Variants in NEB observed in about 807,000 individuals in gnomAD.
NEB encodes the protein nebulin.
NEB carries 512 observed loss-of-function variants against 952.2 expected under a neutral mutation model. That is an observed-to-expected ratio of 0.54 (90% CI 0.50 to 0.58). NEB has a LOEUF of 0.58. Ranked by LOEUF, NEB falls within the 20% of genes least tolerant of loss-of-function variation. The pLI is 0.00. For synonymous variants in NEB, 2,900 were observed against 3,149.8 expected (o/e 0.92, Z 2.66); for missense variants, 8,428 against 9,231.1 (o/e 0.91, Z 3.56).
intron 95 of NEB, among the ~76,000 whole-genome samples, chr2:151,591,827 C>T (rs2097284123): frequency 6.6e-6 from 1 of 152,308 alleles, no homozygotes; most frequent in Admixed American, 6.5e-5. Context: ...TTTGGAGAAA[C>T]CATTCCATTT....
rs1472268201 is a variant in NEB at position 151,682,708 on chromosome 2, G to A, written c.2897C>T (p.Ser966Phe). The change falls in exon 29 of 182, where the codon TCC becomes TTC. Residue 966 changes from serine to phenylalanine, a missense_variant. Ser to Phe is a radical substitution (Grantham distance 155, BLOSUM62 -2). This residue lies in a region of NEB where 2,851 missense variants were observed against 2,791.5 expected (regional missense o/e 1.02). Coordinates refer to ENST00000397345, the MANE Select transcript of NEB (RefSeq NM_001164508.2). Reference protein sequence around the residue: ...MKGCGWVPFGSLEMEKAKRAS... With the variant: ...MKGCGWVPFGFLEMEKAKRAS... ...TCGCTTTGCCTTTTCCATTTCTAAG[G>A]ACCCAAAAGGCACCCAGCCACAACC... 4.3e-6 allele frequency: 7 copies of A among 1,613,022 alleles called. No homozygotes were observed. Among genetic ancestry groups the A allele is most frequent in the Non-Finnish European group, 5.9e-6 (7 of 1,179,526 alleles).
intron 29 of NEB, among the ~76,000 whole-genome samples, chr2:151,681,977 G>A (rs1271091602): frequency 1.3e-5 from 2 of 151,984 alleles, no homozygotes; most frequent in East Asian, 1.9e-4. Flanking sequence ...TATTATGCTG[G>A]GGCAAAAGTA....
At chr2:151,504,906 C>T (rs756101733) in intron 165 of NEB, among the ~76,000 whole-genome samples, 10 of 151,966 alleles carry the variant, frequency 6.6e-5, no homozygotes, top group Non-Finnish European at 8.8e-5. Context: ...GTAGGTAGAT[C>T]GCAGCCTGTA....
intron 107 of NEB, among the ~76,000 whole-genome samples, chr2:151,572,515 A>C (rs1425890394): frequency 5.5e-5 from 8 of 145,868 alleles, no homozygotes; most frequent in Non-Finnish European, 1.2e-4. Flanking sequence ...ATTTATATAT[A>C]TATATAAAAT....
In NEB at chr2:151,617,276, T is replaced by C. The variant is rs1193396572; in HGVS notation, c.11181+88A>G. 9.5e-6 allele frequency: 8 copies of C among 843,772 alleles called. No homozygotes were observed. In the African/African-American group the frequency reaches 1.0e-4, roughly 11 times the overall value. The allele number at this position is 843,772 out of a possible 1,614,324, so 52.3% of individuals were successfully genotyped here. A position where few individuals can be genotyped will look rare whatever the true frequency, so the allele number is the denominator to read the frequency against. On this transcript the variant is annotated intron_variant, in intron 75 of 181. Coordinates refer to ENST00000397345, the MANE Select transcript of NEB (RefSeq NM_001164508.2). Reference sequence around the variant, plus strand: ...AAATGGTAGTTTGTAGTATGTGTAGTAAATTAGTCAAAACCTTTTCCTAAG... The same window carrying C: ...AAATGGTAGTTTGTAGTATGTGTAGCAAATTAGTCAAAACCTTTTCCTAAG...
Position 151,563,918 on chromosome 2 carries a change from C to T in NEB, c.18484G>A (p.Gly6162Arg). ...GKLYSTILYK[G>R]AWEGTKAYGY... ...TAGGCCTTGGTGCCCTCCCACGCCC[C>T]TTTATACAGTATCTAGAACAAAGAA... Residue 6162 changes from glycine to arginine, a missense_variant, in exon 118 of 182, where the codon GGG becomes AGG. Around this residue, in one of 11 missense-constraint regions of NEB, gnomAD observed 3,374 missense variants for 3,651.5 expected, o/e 0.92. Coordinates refer to ENST00000397345, the MANE Select transcript of NEB (RefSeq NM_001164508.2). The T allele has an allele frequency of 6.2e-7, 1 of 1,607,132 alleles. No individual in the cohort carries two copies. Among genetic ancestry groups the T allele is most frequent in the Non-Finnish European group, 8.5e-7 (1 of 1,176,510 alleles).
rs2153021543 is a variant in NEB at position 151,499,341 on chromosome 2, G to C, written c.24071C>G (p.Pro8024Arg). 6.5e-7 allele frequency: 1 copy of C among 1,545,432 alleles called. No homozygotes were observed. Among genetic ancestry groups the C allele is most frequent in the South Asian group, 1.2e-5 (1 of 83,660 alleles). ...VGKGIPIPITPEMERVKHNQE... is the reference protein window; with the variant it reads ...VGKGIPIPITREMERVKHNQE... ...ATTGTGTTTGACTCTCTCCATCTCT[G>C]GAGTGATGGGGATTGGAATCCCTTT... The change falls in exon 169 of 182, where the codon CCA becomes CGA. Residue 8024 changes from proline to arginine, a missense_variant. By Grantham distance (103) the Pro-to-Arg change is moderately radical. This residue lies in a region of NEB where 3,374 missense variants were observed against 3,651.5 expected (regional missense o/e 0.92). Transcript: ENST00000397345.
intron 67 of NEB, among the ~76,000 whole-genome samples, 173 bp from the exon 68 acceptor site, chr2:151,629,819 G>C (rs147371427): frequency 1.1e-4 from 16 of 151,900 alleles, no homozygotes; most frequent in Admixed American, 6.6e-5. Flanking sequence ...ACTATATAGC[G>C]TTAGAAATAA....
At chr2:151,673,713 T>C (rs1379204437) in intron 36 of NEB, among the ~76,000 whole-genome samples, 2 of 149,302 alleles carry the variant, frequency 1.3e-5, no homozygotes, top group South Asian at 4.2e-4. Flanking sequence ...ATGCATGCTT[T>C]CTAAAAATTT....
chr2:151,637,423 A>G (rs1303738927), intron 63 of NEB, among the ~76,000 whole-genome samples: 1 of 152,224 alleles, frequency 6.6e-6, no homozygotes, highest in African/African-American at 2.4e-5. Context: ...AGAATAGCCC[A>G]GAGTTGGACT....
chr2:151,628,928 A>T (rs1450747166), intron 68 of NEB, among the ~76,000 whole-genome samples: 1 of 145,940 alleles, frequency 6.9e-6, no homozygotes, highest in Non-Finnish European at 1.5e-5. Flanking sequence ...GAAGAAGAAG[A>T]AGTCTGAATT....
chr2:151,562,815 T>A lies in NEB; in HGVS notation c.18694-7A>T, dbSNP rs373371474. On this transcript the variant is annotated splice_polypyrimidine_tract_variant and splice_region_variant and intron_variant, in intron 119 of 181. Transcript: ENST00000397345. ...AATGTTTTCTGTAGTTCAACTAATA[T>A]GTTTTAAAGACAAAAATAAGAAAGG... The A allele has an allele frequency of 3.1e-5, 48 of 1,541,456 alleles. 1 individual carries two copies. Among genetic ancestry groups the A allele is most frequent in the Admixed American group, 2.9e-4 (15 of 51,396 alleles).
At chr2:151,651,147 C>T (rs1030663722) in intron 52 of NEB, among the ~76,000 whole-genome samples, 3 of 152,092 alleles carry the variant, frequency 2.0e-5, no homozygotes, top group African/African-American at 7.2e-5. Flanking sequence ...GTTGTCTATG[C>T]TAACTTAGTA....
At position 151,672,340 on chromosome 2, in the gene NEB, T is replaced by A. The variant is rs2099311582; in HGVS notation, c.4299+29A>T. 1.9e-6 allele frequency: 3 copies of A among 1,540,370 alleles called. No homozygotes were observed. The East Asian group carries it at 6.8e-5, about 35-fold the overall frequency. ...AGTGATCATCCTTTAAGTGCAAACA[T>A]CTCTGGGTCTGTTGTTACACATACT... On this transcript the variant is annotated intron_variant, in intron 37 of 181. Coordinates refer to ENST00000397345, the MANE Select transcript of NEB (RefSeq NM_001164508.2).
chr2:151,640,016 C>G lies in NEB; in HGVS notation c.8730G>C (p.Trp2910Cys), dbSNP rs1448224160. The G allele has an allele frequency of 6.2e-7, 1 of 1,613,922 alleles. No homozygotes were observed. Among genetic ancestry groups the G allele is most frequent in the South Asian group, 1.1e-5 (1 of 91,080 alleles). Residue 2910 changes from tryptophan to cysteine, a missense_variant, in exon 62 of 182, where the codon TGG becomes TGC. By Grantham distance (215) the Trp-to-Cys change is radical. Coordinates refer to ENST00000397345, the MANE Select transcript of NEB (RefSeq NM_001164508.2). ...CCACATCCAAAGAGCCAATGGACAC[C>G]CAGCCAATGCCTCTCATCCACTGGA... ...SDLQWMRGIG[W>C]VSIGSLDVEK...
chr2:151,633,749 C>G lies in NEB; in HGVS notation c.9319G>C (p.Asp3107His), dbSNP rs917727691. The G allele has an allele frequency of 1.9e-6, 3 of 1,613,862 alleles. No homozygotes were observed. The African/African-American group carries it at 4.0e-5, about 22-fold the overall frequency. Residue 3107 changes from aspartate to histidine, a missense_variant, in exon 65 of 182, where the codon GAC becomes CAC. Around this residue, in one of 11 missense-constraint regions of NEB, gnomAD observed 1,772 missense variants for 1,960.3 expected, o/e 0.90. Transcript: ENST00000397345. ...TGCAGGTAGTTCTTATAGTCCACGTCACTGACTAAGGTCTGGCACTTCTTG... is the reference window on the plus strand; with the variant it reads ...TGCAGGTAGTTCTTATAGTCCACGTGACTGACTAAGGTCTGGCACTTCTTG... ...LAKKCQTLVS[D>H]VDYKNYLHEW... is the part of the protein sequence containing the mutation.
intron 142 of NEB, among the ~76,000 whole-genome samples, chr2:151,535,195 C>T (rs2092868418): frequency 1.3e-5 from 2 of 152,172 alleles, no homozygotes; most frequent in African/African-American, 4.8e-5. Flanking sequence ...TACTTCTGTG[C>T]ACCAATATAT....
intron 46 of NEB, among the ~76,000 whole-genome samples, chr2:151,660,503 A>G (rs2099135192): frequency 1.3e-5 from 2 of 152,232 alleles, no homozygotes; most frequent in South Asian, 4.1e-4. Context: ...CAGATATTGC[A>G]TGTAACACAG....
chr2:151,519,823 T>C, intron 153 of NEB, 55 bp from the exon 154 acceptor site: 1 of 1,202,128 alleles, frequency 8.3e-7, no homozygotes. Flanking sequence ...AATTTGGGAA[T>C]TGGGGAATAG....
Sources: gnomAD v4.1 joint callset for allele counts (sites outside exome capture counted in the v4.1 genomes callset) on GRCh38, gnomAD v4.1.1 for gene constraint, gnomAD v4.1.1 regional missense constraint, MANE v1.5 for transcripts, NCBI Gene and HGNC (gene_info 2026-07-23, HGNC 2026-07-21) for gene names.